The following CDH13 variants were observed in gnomAD, a reference collection of about 807,000 sequenced individuals.
CDH13 encodes cadherin 13, also known as cadherin-13.
CDH13 carries 24 observed loss-of-function variants against 63.8 expected under a neutral mutation model. That is an observed-to-expected ratio of 0.38 (90% CI 0.27 to 0.53). The LOEUF (loss-of-function observed/expected upper bound fraction) is 0.53. Ranked by LOEUF, CDH13 falls within the 20% of genes least tolerant of loss-of-function variation. The pLI is 0.85. For missense variants in CDH13, 1,049 were observed against 903.1 expected (o/e 1.16, Z -2.07); for synonymous variants, 503 against 355.3 (o/e 1.42, Z -4.67).
intron 8 of CDH13, among the ~76,000 whole-genome samples, chr16:83,635,241 G>C (rs889615976): frequency 6.6e-6 from 1 of 151,500 alleles, no homozygotes; most frequent in Non-Finnish European, 1.5e-5. Context: ...GTTCTCTTTG[G>C]TGAAATGTCT....
chr16:83,229,771 C>T (rs766118619), intron 5 of CDH13, among the ~76,000 whole-genome samples: 3 of 152,106 alleles, frequency 2.0e-5, no homozygotes, highest in East Asian at 1.9e-4. Context: ...TGCAGGCCCA[C>T]GATGAGGGAC....
chr16:83,134,450 A>G (rs2036187729), intron 4 of CDH13, among the ~76,000 whole-genome samples: 1 of 151,846 alleles, frequency 6.6e-6, no homozygotes, highest in African/African-American at 2.4e-5. Flanking sequence ...TCGGCCTCCC[A>G]AAGTGCTGGG....
At chr16:83,691,798 T>C (rs192818300) in intron 10 of CDH13, among the ~76,000 whole-genome samples, 2 of 152,248 alleles carry the variant, frequency 1.3e-5, no homozygotes, top group East Asian at 3.9e-4. Flanking sequence ...TCCACTTCCC[T>C]AACACAGCCA....
chr16:83,330,974 T>C (rs548595938), intron 5 of CDH13, among the ~76,000 whole-genome samples: 1 of 152,344 alleles, frequency 6.6e-6, no homozygotes, highest in Admixed American at 6.5e-5. Context: ...GGATAATATT[T>C]ACTTAATGAT....
chr16:83,472,366 T>C (rs1033684717), intron 6 of CDH13, among the ~76,000 whole-genome samples: 1 of 152,214 alleles, frequency 6.6e-6, no homozygotes, highest in East Asian at 1.9e-4. Context: ...ACCCAGACTT[T>C]CTTTAACAAA....
chr16:82,734,492 G>A (rs1205158667), intron 1 of CDH13, among the ~76,000 whole-genome samples: 5 of 152,144 alleles, frequency 3.3e-5, no homozygotes, highest in African/African-American at 9.7e-5. Flanking sequence ...GCCTGGGCAC[G>A]TGGGGGCCAC....
intron 1 of CDH13, among the ~76,000 whole-genome samples, chr16:82,855,715 G>A (rs561757388): frequency 1.3e-5 from 2 of 152,268 alleles, no homozygotes; most frequent in South Asian, 2.1e-4. Flanking sequence ...AGACCACAGC[G>A]TTCTTTTCAC....
At chr16:82,800,027 T>C (rs553062385) in intron 1 of CDH13, among the ~76,000 whole-genome samples, 40 of 152,232 alleles carry the variant, frequency 2.6e-4, no homozygotes, top group Non-Finnish European at 5.6e-4. Context: ...TACACTCGAA[T>C]GACATCACAT....
chr16:82,963,065 A>G (rs142547670), intron 2 of CDH13, among the ~76,000 whole-genome samples: 4 of 152,238 alleles, frequency 2.6e-5, no homozygotes, highest in Non-Finnish European at 5.9e-5. Flanking sequence ...CCGTTTAACC[A>G]ACATGTATGG....
In CDH13 at chr16:82,762,289, G is replaced by T. The variant is rs574972186; in HGVS notation, c.46-96073G>T. ...TGAGGATTTTTAAGACTTCTGTGCC[G>T]TTAGAATTGATTACTTCTAAATTGT... On this transcript the variant is annotated intron_variant, in intron 1 of 13. Coordinates refer to ENST00000567109, the MANE Select transcript of CDH13 (RefSeq NM_001257.5). Among the ~76,000 whole-genome samples, 6 of 152,246 alleles carry T rather than the reference G, an allele frequency of 3.9e-5. No individual in the cohort carries two copies. The South Asian group carries it at 1.2e-3, about 32-fold the overall frequency.
chr16:83,706,963 C>T (rs1409981350), intron 10 of CDH13, among the ~76,000 whole-genome samples: 1 of 152,066 alleles, frequency 6.6e-6, no homozygotes, highest in Non-Finnish European at 1.5e-5. Flanking sequence ...GAGAGAGGCA[C>T]CATAATGGAA....
intron 1 of CDH13, among the ~76,000 whole-genome samples, chr16:82,850,367 G>C (rs1426024004): frequency 6.6e-6 from 1 of 152,208 alleles, no homozygotes; most frequent in African/African-American, 2.4e-5. Flanking sequence ...ACTAGAATTA[G>C]AAGCAGAGCT....
intron 3 of CDH13, among the ~76,000 whole-genome samples, chr16:83,036,434 G>A (rs1204893244): frequency 3.5e-4 from 54 of 152,164 alleles, no homozygotes; most frequent in Non-Finnish European, 1.2e-4. Context: ...ATAGGTGTGA[G>A]CCGCAGTGCC....
chr16:83,518,761 G>C (rs1477715359), intron 7 of CDH13, among the ~76,000 whole-genome samples: 1 of 152,072 alleles, frequency 6.6e-6, no homozygotes, highest in Non-Finnish European at 1.5e-5. Context: ...TTGAGCCACC[G>C]AGCCCGGCCG....
chr16:83,671,271 G>C (rs1289567571), intron 9 of CDH13, among the ~76,000 whole-genome samples: 4 of 152,032 alleles, frequency 2.6e-5, no homozygotes, highest in Non-Finnish European at 5.9e-5. Flanking sequence ...TGTTTTTTGA[G>C]ACAGTCTCAC....
chr16:83,525,419 A>G (rs953461430), intron 7 of CDH13, among the ~76,000 whole-genome samples: 1 of 152,176 alleles, frequency 6.6e-6, no homozygotes, highest in African/African-American at 2.4e-5. Context: ...TGAAGCTGGA[A>G]TTTGTAAACA....
chr16:82,990,736 G>T (rs1399122404), intron 2 of CDH13, among the ~76,000 whole-genome samples: 1 of 151,866 alleles, frequency 6.6e-6, no homozygotes, highest in Non-Finnish European at 1.5e-5. Flanking sequence ...TGTAGAGGTG[G>T]GGTCTTGCTA....
chr16:83,378,358 C>T lies in CDH13; in HGVS notation c.781+33352C>T, dbSNP rs556232392. 1.2e-4 allele frequency among the ~76,000 whole-genome samples: 18 copies of T among 152,300 alleles called. No individual in the cohort carries two copies. The East Asian group carries it at 2.3e-3, about 20-fold the overall frequency. On this transcript the variant is annotated intron_variant, in intron 6 of 13. Transcript: ENST00000567109. Reference sequence around the variant, plus strand: ...CCTCCTGTTCAGCGGAGAGGGACTTCTTGGAGAGGTGCCCTGAGAAAAACA... The same window carrying T: ...CCTCCTGTTCAGCGGAGAGGGACTTTTTGGAGAGGTGCCCTGAGAAAAACA...
intron 11 of CDH13, among the ~76,000 whole-genome samples, chr16:83,774,500 G>A (rs1009318218): frequency 6.6e-6 from 1 of 152,170 alleles, no homozygotes; most frequent in African/African-American, 2.4e-5. Flanking sequence ...AGCCTCCAGA[G>A]TAGCTGGGAT....
Sources: gnomAD v4.1 joint callset for allele counts (sites outside exome capture counted in the v4.1 genomes callset) on GRCh38, gnomAD v4.1.1 for gene constraint, MANE v1.5 for transcripts, NCBI Gene and HGNC (gene_info 2026-07-23, HGNC 2026-07-21) for gene names.